The following S100A9 variants were observed in gnomAD, a reference collection of about 807,000 sequenced individuals.
S100A9 encodes S100 calcium binding protein A9, also known as protein S100-A9.
Under a neutral mutation model 4.3 loss-of-function variants are expected in S100A9, and 2 were observed. That is an observed-to-expected ratio of 0.47 (90% CI 0.19 to 1.48). The LOEUF (loss-of-function observed/expected upper bound fraction) is 1.48. S100A9 is among the 40% of genes most tolerant of loss of function. The pLI is 0.24. For synonymous variants in S100A9, 67 were observed against 54.0 expected (o/e 1.24, Z -1.06); for missense variants, 130 against 144.4 (o/e 0.90, Z 0.51).
At chr1:153,359,719 G>A (rs149362841) in intron 2 of S100A9, among the ~76,000 whole-genome samples, 2,115 of 123,726 alleles carry the variant, frequency 0.017, 28 homozygotes, top group Non-Finnish European at 0.022. Context: ...ACAGAGTTTC[G>A]CTCTTATTGC....
At chr1:153,359,419 A>G (rs1661404546) in intron 2 of S100A9, among the ~76,000 whole-genome samples, 1 of 152,074 alleles carries the variant, frequency 6.6e-6, no homozygotes. Context: ...GCATGGCAAA[A>G]CTATCCTCCA....
intron 2 of S100A9, among the ~76,000 whole-genome samples, chr1:153,359,223 T>C (rs560517214): frequency 6.6e-6 from 1 of 152,214 alleles, no homozygotes; most frequent in East Asian, 1.9e-4. Flanking sequence ...TCAGTCTCAG[T>C]TCCAGTCCCG....
intron 2 of S100A9, 101 bp downstream of exon 2, chr1:153,358,534 G>A: frequency 1.0e-6 from 1 of 965,810 alleles, no homozygotes; most frequent in Non-Finnish European, 1.5e-6. Flanking sequence ...GAAGATTTGA[G>A]CTCCTGGAGC....
chr1:153,358,152 C>G (rs1661379941), intron 1 of S100A9, 117 bp from the exon 2 acceptor site: 2 of 619,966 alleles, frequency 3.2e-6, no homozygotes. Context: ...GCAGCCTGTG[C>G]TTTCTTTTTA....
Position 153,360,868 on chromosome 1 carries a change from C to T in S100A9, c.*30C>T, listed in dbSNP as rs767979103. ...ACAGTGGCCAAGATCACAGTGGCCACGGCCACGGCCACAGTCATGGTGGCC... is the reference window on the plus strand; with the variant it reads ...ACAGTGGCCAAGATCACAGTGGCCATGGCCACGGCCACAGTCATGGTGGCC... On this transcript the variant is annotated 3_prime_UTR_variant, in exon 3 of 3. Transcript: ENST00000368738. The T allele has an allele frequency of 2.9e-5, 44 of 1,493,756 alleles. No individual in the cohort carries two copies. In the Middle Eastern group the frequency reaches 1.1e-3, roughly 37 times the overall value. The allele number at this position is 1,493,756 out of a possible 1,614,324, so 92.5% of individuals were successfully genotyped here. A position where few individuals can be genotyped will look rare whatever the true frequency, so the allele number is the denominator to read the frequency against.
intron 2 of S100A9, among the ~76,000 whole-genome samples, chr1:153,360,333 C>T (rs1336541094): frequency 1.3e-5 from 2 of 152,116 alleles, no homozygotes; most frequent in African/African-American, 4.8e-5. Context: ...TTATAAGGAC[C>T]AAATGAGGTG....
chr1:153,358,008 G>A, intron 1 of S100A9, 127 bp downstream of exon 1: 1 of 253,770 alleles, frequency 3.9e-6, no homozygotes, highest in East Asian at 7.3e-5. Context: ...CTACTTTAAA[G>A]CTTCTTTCAC....
At position 153,358,446 on chromosome 1, in the gene S100A9, T is replaced by C; in HGVS notation, c.150+13T>C. 1.9e-6 allele frequency: 3 copies of C among 1,584,012 alleles called. No homozygotes were observed. Among genetic ancestry groups the C allele is most frequent in the Non-Finnish European group, 2.6e-6 (3 of 1,162,182 alleles). ...AAATTTTCTCAAGGTAGGGCTGGAC[T>C]CTGGCAGGTCTGACCCAGCCTCACC... On this transcript the variant is annotated intron_variant, in intron 2 of 2. Coordinates refer to ENST00000368738, the MANE Select transcript of S100A9 (RefSeq NM_002965.4).
Position 153,358,358 on chromosome 1 carries a change from G to A in S100A9, c.75G>A (p.Lys25=), listed in dbSNP as rs1401563785. Reference sequence around the variant, plus strand: ...ACACCTTCCACCAATACTCTGTGAAGCTGGGGCACCCAGACACCCTGAACC... The same window carrying A: ...ACACCTTCCACCAATACTCTGTGAAACTGGGGCACCCAGACACCCTGAACC... ...IINTFHQYSV[K]LGHPDTLNQG... Residue 25 remains lysine (K), a synonymous_variant, in exon 2 of 3, where the codon AAG becomes AAA. Transcript: ENST00000368738. 1 of 1,613,464 alleles carries A rather than the reference G, an allele frequency of 6.2e-7. No individual in the cohort carries two copies. The highest frequency in any genetic ancestry group is 8.5e-7 in the Non-Finnish European group (1 of 1,179,556).
Position 153,360,988 on chromosome 1 carries a change from C to A in S100A9, c.*150C>A. The A allele has an allele frequency of 1.6e-6, 1 of 623,660 alleles. No individual in the cohort carries two copies. The highest frequency in any genetic ancestry group is 2.8e-6 in the Non-Finnish European group (1 of 356,522). 38.6% of individuals were successfully genotyped at this position (623,660 alleles called of 1,614,324 possible). ...ATGTCAAACTGTCTTGGCTGTGGGG[C>A]TAGGGGCTGGGGCCAAATAAAGTCT... On this transcript the variant is annotated 3_prime_UTR_variant, in exon 3 of 3. Coordinates refer to ENST00000368738, the MANE Select transcript of S100A9 (RefSeq NM_002965.4).
Position 153,358,345 on chromosome 1 carries a change from A to T in S100A9, c.62A>T (p.Gln21Leu). The T allele has an allele frequency of 6.2e-7, 1 of 1,613,284 alleles. No homozygotes were observed. Among genetic ancestry groups the T allele is most frequent in the Non-Finnish European group, 8.5e-7 (1 of 1,179,468 alleles). Residue 21 changes from glutamine (Q) to leucine (L), a missense_variant, in exon 2 of 3, where the codon CAA becomes CTA. By Grantham distance (113) the Gln-to-Leu change is moderately radical. Coordinates refer to ENST00000368738, the MANE Select transcript of S100A9 (RefSeq NM_002965.4). ...NIETIINTFH[Q>L]YSVKLGHPDT... ...GAGACCATCATCAACACCTTCCACC[A>T]ATACTCTGTGAAGCTGGGGCACCCA... is the stretch of plus-strand genomic sequence containing the variant.
chr1:153,360,583 T>C, intron 2 of S100A9, 61 bp from the exon 3 acceptor site: 1 of 1,120,934 alleles, frequency 8.9e-7, no homozygotes, highest in South Asian at 1.4e-5. Flanking sequence ...TCATTTACTG[T>C]GCTCCCAGTC....
chr1:153,358,281 A>T lies in S100A9; in HGVS notation c.-3A>T. The T allele has an allele frequency of 6.3e-7, 1 of 1,591,694 alleles. No homozygotes were observed. On this transcript the variant is annotated 5_prime_UTR_variant, in exon 2 of 3. Transcript: ENST00000368738. ...TTCCATTACACAGACAGAGTGCAAGACGATGACTTGCAAAATGTCGCAGCT... is the reference window on the plus strand; with the variant it reads ...TTCCATTACACAGACAGAGTGCAAGTCGATGACTTGCAAAATGTCGCAGCT...
chr1:153,360,138 A>G (rs1346425260), intron 2 of S100A9, among the ~76,000 whole-genome samples: 1 of 152,152 alleles, frequency 6.6e-6, no homozygotes, highest in Non-Finnish European at 1.5e-5. Flanking sequence ...GGTAACCTCC[A>G]GAGGGAAGGG....
At chr1:153,359,849 T>C (rs1156435456) in intron 2 of S100A9, among the ~76,000 whole-genome samples, 1 of 151,902 alleles carries the variant, frequency 6.6e-6, no homozygotes, top group Non-Finnish European at 1.5e-5. Flanking sequence ...CCACCATGCC[T>C]GGCTAATTTT....
chr1:153,358,342 A>T lies in S100A9; in HGVS notation c.59A>T (p.His20Leu). 6.2e-7 allele frequency: 1 copy of T among 1,613,092 alleles called. No homozygotes were observed. Among genetic ancestry groups the T allele is most frequent in the South Asian group, 1.1e-5 (1 of 90,964 alleles). The stretch of plus-strand genomic sequence containing the variant: ...ATAGAGACCATCATCAACACCTTCC[A>T]CCAATACTCTGTGAAGCTGGGGCAC... ...RNIETIINTF[H>L]QYSVKLGHPD... The change falls in exon 2 of 3, where the codon CAC becomes CTC. Residue 20 changes from histidine to leucine, a missense_variant. Physicochemically the swap from His to Leu is moderately conservative, Grantham distance 99. Coordinates refer to ENST00000368738, the MANE Select transcript of S100A9 (RefSeq NM_002965.4).
At chr1:153,360,581 T>G in intron 2 of S100A9, 63 bp from the exon 3 acceptor site, 1 of 1,102,766 alleles carries the variant, frequency 9.1e-7, no homozygotes, top group Non-Finnish European at 1.3e-6. Context: ...GGTCATTTAC[T>G]GTGCTCCCAG....
Position 153,360,859 on chromosome 1 carries a change from CAGTGGCCACGGCCACGGCCACAGTCAT to C in S100A9, c.*22_*48del. The C allele has an allele frequency of 6.4e-7, 1 of 1,550,978 alleles. No homozygotes were observed. The highest frequency in any genetic ancestry group is 8.8e-7 in the Non-Finnish European group (1 of 1,142,468). ...CCTAAGACCACAGTGGCCAAGATCA[CAGTGGCCACGGCCACGGCCACAGTCAT>C]GGTGGCCACGGCCACAGCCACTAAT... On this transcript the variant is annotated 3_prime_UTR_variant, in exon 3 of 3. Coordinates refer to ENST00000368738, the MANE Select transcript of S100A9 (RefSeq NM_002965.4).
At chr1:153,359,170 G>A (rs527349990) in intron 2 of S100A9, among the ~76,000 whole-genome samples, 1 of 152,206 alleles carries the variant, frequency 6.6e-6, no homozygotes, top group Admixed American at 6.5e-5. Flanking sequence ...GGGGAAAGTC[G>A]GGAAACAGAG....
Sources: gnomAD v4.1 joint callset for allele counts (sites outside exome capture counted in the v4.1 genomes callset) on GRCh38, gnomAD v4.1.1 for gene constraint, MANE v1.5 for transcripts, NCBI Gene and HGNC (gene_info 2026-07-23, HGNC 2026-07-21) for gene names.